Variants in NEURL3 observed in about 807,000 individuals in gnomAD.
NEURL3 encodes the protein neuralized E3 ubiquitin protein ligase 3, also known as E3 ubiquitin-protein ligase NEURL3.
A neutral mutation model predicts 17.6 loss-of-function variants in NEURL3; 19 were observed. The ratio of observed to expected loss-of-function variants is 1.08; its 90% CI spans 0.75 to 1.58. The LOEUF is 1.58. Among genes scored for constraint, NEURL3 ranks in the 40% most tolerant of loss-of-function variants. The pLI is 0.00. For missense variants in NEURL3, 342 were observed against 379.6 expected (o/e 0.90, Z 0.82); for synonymous variants, 180 against 161.4 (o/e 1.11, Z -0.87).
chr2:96,502,749 G>A (rs371854233), intron 1 of NEURL3, among the ~76,000 whole-genome samples: 26 of 152,326 alleles, frequency 1.7e-4, no homozygotes, highest in African/African-American at 5.5e-4. Flanking sequence ...GACGAGGGGC[G>A]GTGCCGGAGA....
chr2:96,505,556 C>CGGTA (rs1403283303), upstream of NEURL3, among the ~76,000 whole-genome samples: 4 of 152,186 alleles, frequency 2.6e-5, no homozygotes, highest in African/African-American at 9.7e-5. Flanking sequence ...GTAGGTCTTA[C>CGGTA]GGTAGCCTTC....
intron 2 of NEURL3, 87 bp from the exon 3 acceptor site, chr2:96,499,536 G>T: frequency 8.1e-7 from 1 of 1,233,396 alleles, no homozygotes; most frequent in Non-Finnish European, 1.2e-6. Flanking sequence ...AAAGTGTCCG[G>T]TCTCCTTTCT....
At chr2:96,505,551 T>A (rs2065554139), upstream of NEURL3, among the ~76,000 whole-genome samples, 1 of 152,168 alleles carries the variant, frequency 6.6e-6, no homozygotes, top group African/African-American at 2.4e-5. Flanking sequence ...CCTGGGTAGG[T>A]CTTACGGTAG....
chr2:96,500,340 T>C, intron 2 of NEURL3, 99 bp downstream of exon 2: 2 of 1,510,824 alleles, frequency 1.3e-6, no homozygotes, highest in Admixed American at 1.9e-5. Context: ...ATGGAATAAC[T>C]GAATGTGAAC....
chr2:96,501,070 C>A, intron 1 of NEURL3, 146 bp from the exon 2 acceptor site: 1 of 1,015,366 alleles, frequency 9.8e-7, no homozygotes, highest in South Asian at 1.8e-5. Flanking sequence ...TCGGTTCCTG[C>A]AGGGTTGTTA....
chr2:96,498,493 G>A lies in NEURL3; in HGVS notation c.587-47C>T. On this transcript the variant is annotated intron_variant, in intron 3 of 3. Transcript: ENST00000451794. This position sits in a 1 kb window ranked among gnomAD's most constrained non-coding sequence, Gnocchi z 4.4. ...GTCAGGGCACATGGGGGAAGGGGTG[G>A]GCAACCCGCTCACAATGTGACCACA... The A allele has an allele frequency of 1.3e-6, 2 of 1,510,094 alleles. No individual in the cohort carries two copies. Among genetic ancestry groups the A allele is most frequent in the East Asian group, 4.6e-5 (2 of 43,474 alleles). The allele number at this position is 1,510,094 out of a possible 1,614,324, so 93.5% of individuals were successfully genotyped here. A position where few individuals can be genotyped will look rare whatever the true frequency, so the allele number is the denominator to read the frequency against.
intron 1 of NEURL3, among the ~76,000 whole-genome samples, chr2:96,501,452 T>G (rs2065506814): frequency 6.6e-6 from 1 of 152,034 alleles, no homozygotes; most frequent in Admixed American, 6.5e-5. Flanking sequence ...CTATTCCCTC[T>G]CTGCTTGTCT....
At chr2:96,507,259 G>T (rs1267320658), upstream of NEURL3, among the ~76,000 whole-genome samples, 3 of 152,080 alleles carry the variant, frequency 2.0e-5, no homozygotes, top group Admixed American at 2.0e-4. Flanking sequence ...TGAAACCAAC[G>T]CATAAAAATA....
At chr2:96,502,596 G>C (rs1260119026) in intron 1 of NEURL3, among the ~76,000 whole-genome samples, 1 of 152,254 alleles carries the variant, frequency 6.6e-6, no homozygotes, top group African/African-American at 2.4e-5. Flanking sequence ...GGGTGACAGG[G>C]CAAGTGGGGC....
intron 1 of NEURL3, among the ~76,000 whole-genome samples, chr2:96,503,379 C>T (rs756080738): frequency 6.6e-6 from 1 of 152,148 alleles, no homozygotes. Context: ...GCCGAGGGGA[C>T]GTGGTGGCTG....
At chr2:96,501,764 C>T (rs1253340748) in intron 1 of NEURL3, among the ~76,000 whole-genome samples, 8 of 152,162 alleles carry the variant, frequency 5.3e-5, no homozygotes, top group Non-Finnish European at 7.3e-5. Context: ...GGGCTTCCTA[C>T]CCCAGAACTG....
Position 96,498,337 on chromosome 2 carries a change from G to T in NEURL3, c.696C>A (p.Ser232Arg). ...GGCACACAGGGCACTTGGCCGTATC[G>T]CTGAAGACCCGCCAGGCACAGTATC... ...FCRYCAWRVFSDTAKCPVCRW... is the reference protein window; with the variant it reads ...FCRYCAWRVFRDTAKCPVCRW... Residue 232 changes from serine (S) to arginine (R), a missense_variant, in exon 4 of 4, where the codon AGC (serine) becomes AGA (arginine). Ser to Arg is a moderately radical substitution (Grantham distance 110). Transcript: ENST00000451794. This position sits in a 1 kb window ranked among gnomAD's most constrained non-coding sequence, Gnocchi z 4.4. The T allele has an allele frequency of 2.5e-6, 4 of 1,598,734 alleles. No homozygotes were observed. Among genetic ancestry groups the T allele is most frequent in the Non-Finnish European group, 3.4e-6 (4 of 1,179,556 alleles).
At chr2:96,500,415 G>C (rs1247308498) in intron 2 of NEURL3, 24 bp downstream of exon 2, 4 of 1,596,246 alleles carry the variant, frequency 2.5e-6, no homozygotes, top group Non-Finnish European at 3.4e-6. Flanking sequence ...CACCTCCCCT[G>C]CGGGGTCCCC....
intron 1 of NEURL3, among the ~76,000 whole-genome samples, chr2:96,502,036 G>A (rs898811052): frequency 1.4e-4 from 21 of 152,096 alleles, no homozygotes; most frequent in East Asian, 7.7e-4. Flanking sequence ...ACCAGGACAC[G>A]TTTGCGGTGA....
rs1252509599 is a variant in NEURL3, at chr2:96,505,251, C to T, written c.28+8G>A. 2 of 1,599,224 alleles carry T rather than the reference C, an allele frequency of 1.3e-6. No homozygotes were observed. Among genetic ancestry groups the T allele is most frequent in the East Asian group, 2.2e-5 (1 of 44,880 alleles). ...ACCAAGCTCCAGGCTTGCAGGAGGT[C>T]TACTTACTGGCCTCGAAGCAGAGCT... On this transcript the variant is annotated splice_region_variant and intron_variant, in intron 1 of 3. Transcript: ENST00000451794.
At chr2:96,505,444 C>T, upstream of NEURL3, 1 of 701,108 alleles carries the variant, frequency 1.4e-6, no homozygotes, top group South Asian at 1.8e-5. Context: ...TCATGTGTTA[C>T]TATATCCAGG....
intron 2 of NEURL3, 126 bp downstream of exon 2, chr2:96,500,304 TCACAGCTAA>T: frequency 1.5e-6 from 2 of 1,342,608 alleles, no homozygotes; most frequent in Non-Finnish European, 2.0e-6. Context: ...GTGCCCATCT[TCACAGCTAA>T]CACTGGGCAG....
chr2:96,501,587 G>A (rs2065507775), intron 1 of NEURL3, among the ~76,000 whole-genome samples: 1 of 152,160 alleles, frequency 6.6e-6, no homozygotes, highest in Non-Finnish European at 1.5e-5. Context: ...GCAGGCTGGA[G>A]AGGAAGTCCC....
intron 1 of NEURL3, among the ~76,000 whole-genome samples, chr2:96,501,833 G>A (rs556972121): frequency 6.6e-6 from 1 of 152,272 alleles, no homozygotes; most frequent in East Asian, 1.9e-4. Flanking sequence ...GGGGGAGGGA[G>A]GCTGGCTGGC....
Sources: gnomAD v4.1 joint callset for allele counts (sites outside exome capture counted in the v4.1 genomes callset) on GRCh38, gnomAD v4.1.1 for gene constraint, Gnocchi (gnomAD v3.1) non-coding constraint, MANE v1.5 for transcripts, NCBI Gene and HGNC (gene_info 2026-07-23, HGNC 2026-07-21) for gene names.